The following PTP4A2 variants were observed in gnomAD, a reference collection of about 807,000 sequenced individuals.
PTP4A2 encodes protein tyrosine phosphatase 4A2, also known as protein tyrosine phosphatase type IVA 2.
A neutral mutation model predicts 22.9 loss-of-function variants in PTP4A2; 2 were observed. The ratio of observed to expected loss-of-function variants is 0.09; its 90% confidence interval spans 0.04 to 0.27. The LOEUF is 0.27. Ranked by LOEUF, PTP4A2 falls within the 10% of genes least tolerant of loss-of-function variation. PTP4A2 has a pLI of 1.00. For missense variants in PTP4A2, 103 were observed against 205.1 expected (o/e 0.50, Z 3.04); for synonymous variants, 68 against 69.1 (o/e 0.98, Z 0.08).
rs374537379 is a variant in PTP4A2 at position 31,923,427 on chromosome 1, C to T, written c.-593-3769G>A. The stretch of plus-strand genomic sequence containing the variant: ...TCGGCTCACTGCAAGCTCCGCCTCC[C>T]GGGTTCACGCCATTCTCCTGCCTCA... On this transcript the variant is annotated intron_variant, in intron 1 of 5. Transcript: ENST00000647444. 1.4e-3 allele frequency among the ~76,000 whole-genome samples: 208 copies of T among 148,994 alleles called. 2 individuals are homozygous for T. The South Asian group carries it at 0.019, about 13-fold the overall frequency.
rs113255770 is a variant in PTP4A2 at position 31,920,701 on chromosome 1, C to T, written c.-593-1043G>A. 1.4e-3 allele frequency among the ~76,000 whole-genome samples: 216 copies of T among 151,890 alleles called. 1 individual carries two copies. The highest frequency in any genetic ancestry group is 4.7e-3 in the African/African-American group (197 of 41,476). On this transcript the variant is annotated intron_variant, in intron 1 of 5. Transcript: ENST00000647444. ...TACAGGTGCCCACCACCACACCTGGCTAATTTTTGTATTTTTGGTAGAGAC... is the reference window on the plus strand; with the variant it reads ...TACAGGTGCCCACCACCACACCTGGTTAATTTTTGTATTTTTGGTAGAGAC...
chr1:31,908,124 ATATATATATATTATAT>A lies in PTP4A2; in HGVS notation c.*712_*727del, dbSNP rs1651285568. ...AAAACCACCTGGAAAATATATATAT[ATATATATATATTATAT>A]TATATATATATATATATATATATAT... On this transcript the variant is annotated 3_prime_UTR_variant, in exon 6 of 6. Transcript: ENST00000647444. The A allele has an allele frequency of 6.4e-3, 3 of 472 alleles. No homozygotes were observed. Among genetic ancestry groups the A allele is most frequent in the African/African-American group, 7.8e-3 (1 of 128 alleles). The allele number at this position is 472 out of a possible 1,614,324, so 0.0% of individuals were successfully genotyped here.
intron 1 of PTP4A2, among the ~76,000 whole-genome samples, chr1:31,920,805 T>C (rs1652112605): frequency 6.6e-6 from 1 of 152,156 alleles, no homozygotes. Context: ...CCCAAAGTGC[T>C]GGGATTACAG....
At chr1:31,927,012 C>CCAAT (rs1384047437) in intron 1 of PTP4A2, among the ~76,000 whole-genome samples, 1 of 152,048 alleles carries the variant, frequency 6.6e-6, no homozygotes, top group African/African-American at 2.4e-5. Context: ...AACAAGGGAA[C>CCAAT]CAATGCTACT....
chr1:31,914,398 T>C (rs558156858), intron 3 of PTP4A2: 7 of 352,984 alleles, frequency 2.0e-5, no homozygotes, highest in South Asian at 1.4e-4. Context: ...CATTTGGCTA[T>C]TTAGTTTTTA....
rs140214981 is a variant in PTP4A2, at chr1:31,918,353, C to T, written c.96+617G>A. Among the ~76,000 whole-genome samples the T allele has an allele frequency of 2.3e-3, 354 of 152,308 alleles. 1 individual carries two copies. Among genetic ancestry groups the T allele is most frequent in the Non-Finnish European group, 3.4e-3 (232 of 68,038 alleles). ...TTAAGGATCTGACATAAAAATACTA[C>T]CTCTACCACCTTTCCTTCACCCAAG... On this transcript the variant is annotated intron_variant, in intron 2 of 5. Coordinates refer to ENST00000647444, the MANE Select transcript of PTP4A2 (RefSeq NM_080391.4).
chr1:31,918,855 C>A, intron 2 of PTP4A2, 115 bp downstream of exon 2: 1 of 617,034 alleles, frequency 1.6e-6, no homozygotes, highest in Non-Finnish European at 2.9e-6. Context: ...CCAATTCAAA[C>A]CAGGATTGGC....
At chr1:31,909,877 G>A (rs528297246) in intron 5 of PTP4A2, among the ~76,000 whole-genome samples, 161 bp downstream of exon 5, 1 of 152,284 alleles carries the variant, frequency 6.6e-6, no homozygotes, top group African/African-American at 2.4e-5. Flanking sequence ...CAGCTGTACT[G>A]AGTCTCTATC....
intron 2 of PTP4A2, among the ~76,000 whole-genome samples, chr1:31,916,345 CAAAAAAAAA>C (rs1167002913): frequency 3.9e-4 from 14 of 35,446 alleles, no homozygotes; most frequent in African/African-American, 6.3e-4. Context: ...ACTCCGTCTC[CAAAAAAAAA>C]AAAAAAAAAA....
At chr1:31,921,887 C>A (rs1454505051) in intron 1 of PTP4A2, 1 of 151,964 alleles carries the variant, frequency 6.6e-6, no homozygotes, top group Non-Finnish European at 1.5e-5. Flanking sequence ...GATTATATAA[C>A]CACTGACACA....
intron 1 of PTP4A2, among the ~76,000 whole-genome samples, chr1:31,932,517 G>T (rs375320111): frequency 6.6e-6 from 1 of 152,128 alleles, no homozygotes; most frequent in Non-Finnish European, 1.5e-5. Flanking sequence ...AAGAAAATCA[G>T]TATAGGCAAA....
intron 2 of PTP4A2, among the ~76,000 whole-genome samples, chr1:31,916,343 T>TC (rs1430099267): frequency 7.7e-5 from 5 of 65,188 alleles, no homozygotes; most frequent in East Asian, 4.5e-4. Context: ...AGACTCCGTC[T>TC]CCAAAAAAAA....
intron 4 of PTP4A2, 45 bp from the exon 5 acceptor site, chr1:31,910,157 G>C (rs779795895): frequency 2.0e-6 from 3 of 1,502,818 alleles, no homozygotes; most frequent in Non-Finnish European, 2.8e-6. Context: ...GTCTTGGAGT[G>C]AAAGGATTTT....
intron 1 of PTP4A2, among the ~76,000 whole-genome samples, chr1:31,931,382 G>A (rs903860294): frequency 6.6e-6 from 1 of 152,180 alleles, no homozygotes; most frequent in Admixed American, 6.5e-5. Context: ...TGACCGGGCT[G>A]AGAATTTCAG....
intron 3 of PTP4A2, 114 bp from the exon 4 acceptor site, chr1:31,911,940 T>C (rs568031638): frequency 3.3e-5 from 19 of 573,542 alleles, no homozygotes; most frequent in African/African-American, 1.2e-4. Context: ...AACTGCACTA[T>C]ATATACCTAT....
Position 31,919,297 on chromosome 1 carries a change from A to G in PTP4A2, c.-232T>C, listed in dbSNP as rs1425630631. On this transcript the variant is annotated 5_prime_UTR_variant, in exon 2 of 6. Coordinates refer to ENST00000647444, the MANE Select transcript of PTP4A2 (RefSeq NM_080391.4). ...TGAATCCAAATTCAATTTGGGCCTC[A>G]ATTTCTGCAGATGGATACCTTCGGA... 1 of 297,644 alleles carries G rather than the reference A, an allele frequency of 3.4e-6. No homozygotes were observed. The highest frequency in any genetic ancestry group is 2.2e-5 in the African/African-American group (1 of 44,896). The allele number at this position is 297,644 out of a possible 1,614,324, so 18.4% of individuals were successfully genotyped here. A position where few individuals can be genotyped will look rare whatever the true frequency, so the allele number is the denominator to read the frequency against.
Position 31,908,924 on chromosome 1 carries a change from A to C in PTP4A2, c.432T>G (p.Leu144=). The change falls in exon 6 of 6, where the codon CTT becomes CTG. Residue 144 remains leucine, a synonymous_variant. Coordinates refer to ENST00000647444, the MANE Select transcript of PTP4A2 (RefSeq NM_080391.4). ...TCTTAGGTCGGTATTTCTCCAAATA[A>C]AGCAGCTGTTTGGAATTGAACGCTC... is the stretch of plus-strand genomic sequence containing the variant. The part of the protein sequence containing the change: ...RRGAFNSKQL[L]YLEKYRPKMR... The C allele has an allele frequency of 6.2e-7, 1 of 1,614,060 alleles. No individual in the cohort carries two copies. Among genetic ancestry groups the C allele is most frequent in the Non-Finnish European group, 8.5e-7 (1 of 1,179,920 alleles).
rs757306581 is a variant in PTP4A2 at position 31,915,845 on chromosome 1, T to C, written c.189+50A>G. On this transcript the variant is annotated intron_variant, in intron 3 of 5. Transcript: ENST00000647444. ...CCTGGCCTAGTTTTATAAATATTTA[T>C]GTTTGAAAGATACAACTTGTTTTGA... 8 of 1,223,934 alleles carry C rather than the reference T, an allele frequency of 6.5e-6. No individual in the cohort carries two copies. The Admixed American group carries it at 1.5e-4, about 23-fold the overall frequency. 75.8% of individuals were successfully genotyped at this position (1,223,934 alleles called of 1,614,324 possible).
At position 31,923,859 on chromosome 1, in the gene PTP4A2, A is replaced by G. The variant is rs180947353; in HGVS notation, c.-593-4201T>C. Among the ~76,000 whole-genome samples, 21 of 152,298 alleles carry G rather than the reference A, an allele frequency of 1.4e-4. No homozygotes were observed. In the East Asian group the frequency reaches 3.9e-3, roughly 28 times the overall value. ...CATATTTTTCAAGTTGCAATCTTCC[A>G]TACAAGTATAATTTTTTTTCCAAAT... On this transcript the variant is annotated intron_variant, in intron 1 of 5. Coordinates refer to ENST00000647444, the MANE Select transcript of PTP4A2 (RefSeq NM_080391.4).
Sources: gnomAD v4.1 joint callset for allele counts (sites outside exome capture counted in the v4.1 genomes callset) on GRCh38, gnomAD v4.1.1 for gene constraint, MANE v1.5 for transcripts, NCBI Gene and HGNC (gene_info 2026-07-23, HGNC 2026-07-21) for gene names.